The following SUGCT variants were observed in gnomAD, a reference collection of about 807,000 sequenced individuals.
The protein encoded by SUGCT is succinyl-CoA:glutarate CoA-transferase.
In SUGCT, 41 loss-of-function variants were observed where a neutral mutation model predicts 55.0. The observed-to-expected ratio is 0.74, with a 90% CI of 0.58 to 0.97. SUGCT has a LOEUF of 0.97. SUGCT is among the 50% of genes least tolerant of loss of function. The probability of loss-of-function intolerance (pLI) is 0.00; values close to 1 mark genes in which losing one functional copy is unlikely to be tolerated. For synonymous variants in SUGCT, 187 were observed against 200.4 expected, an observed-to-expected ratio of 0.93 and a Z score of 0.56; for missense variants, 568 against 547.8, an observed-to-expected ratio of 1.04 and a Z score of -0.37.
At chr7:40,920,395 A>C in the SUGCT span, among the ~76,000 whole-genome samples, 2 of 152,182 alleles carry the variant, frequency 1.3e-5, no homozygotes, top group Non-Finnish European at 2.9e-5. Context: ...AAGCCCTGGA[A>C]AGTTCAATAT....
intron 13 of SUGCT, among the ~76,000 whole-genome samples, chr7:40,852,209 T>G (rs1793886785): frequency 6.6e-6 from 1 of 152,216 alleles, no homozygotes; most frequent in African/African-American, 2.4e-5. Flanking sequence ...ACCCAGAAAC[T>G]CAGTATTCTT....
the SUGCT span, among the ~76,000 whole-genome samples, chr7:40,993,994 T>C: frequency 6.6e-6 from 1 of 152,194 alleles, no homozygotes; most frequent in East Asian, 1.9e-4. Flanking sequence ...CCCAATTGCC[T>C]GACTGTGAAA....
intron 9 of SUGCT, among the ~76,000 whole-genome samples, chr7:40,402,896 G>T (rs1323296943): frequency 6.6e-6 from 1 of 152,158 alleles, no homozygotes; most frequent in Non-Finnish European, 1.5e-5. Flanking sequence ...TAGTGATGAG[G>T]ACTACTGTCT....
At position 40,784,423 on chromosome 7, in the gene SUGCT, T is replaced by C. The variant is rs374910772; in HGVS notation, c.1153+34926T>C. ...TAGGTCATCCTCTTCTCATAGCGAC[T>C]TATAACACTTTTATGTCATTAAAAT... On this transcript the variant is annotated intron_variant, in intron 13 of 13. Transcript: ENST00000335693. Among the ~76,000 whole-genome samples, 52 of 152,326 alleles carry C rather than the reference T, an allele frequency of 3.4e-4. No homozygotes were observed. In the South Asian group the frequency reaches 0.01, roughly 30 times the overall value.
At chr7:40,578,442 T>A (rs139762636) in intron 12 of SUGCT, among the ~76,000 whole-genome samples, 48 of 152,186 alleles carry the variant, frequency 3.2e-4, no homozygotes, top group African/African-American at 1.1e-3. Context: ...TATCTGGATG[T>A]TTAAAAGCTG....
At chr7:40,762,524 T>C (rs1788582234) in intron 13 of SUGCT, among the ~76,000 whole-genome samples, 1 of 152,260 alleles carries the variant, frequency 6.6e-6, no homozygotes. Flanking sequence ...AGGGAAACAG[T>C]ATTTAACAGT....
At chr7:40,315,105 G>C (rs1795357115) in intron 8 of SUGCT, among the ~76,000 whole-genome samples, 1 of 101,410 alleles carries the variant, frequency 9.9e-6, no homozygotes, top group Admixed American at 9.8e-5. Context: ...CGAGGGTTCT[G>C]CTTTTTTAAA....
the SUGCT span, among the ~76,000 whole-genome samples, chr7:40,983,482 C>G: frequency 6.6e-6 from 1 of 152,180 alleles, no homozygotes; most frequent in East Asian, 1.9e-4. Flanking sequence ...CTGCTTAGCA[C>G]AAAGTCCTGC....
intron 12 of SUGCT, among the ~76,000 whole-genome samples, chr7:40,515,682 G>A (rs1004924481): frequency 1.3e-5 from 2 of 152,138 alleles, no homozygotes; most frequent in East Asian, 3.8e-4. Flanking sequence ...ATATTCTGTT[G>A]TGTGGGTATA....
intron 13 of SUGCT, among the ~76,000 whole-genome samples, chr7:40,800,801 G>A (rs1212914082): frequency 6.6e-6 from 1 of 152,100 alleles, no homozygotes; most frequent in African/African-American, 2.4e-5. Flanking sequence ...ATCATAAAGT[G>A]TCTACTATAC....
chr7:40,349,973 C>A (rs1797528857), intron 9 of SUGCT, among the ~76,000 whole-genome samples: 1 of 152,182 alleles, frequency 6.6e-6, no homozygotes, highest in Non-Finnish European at 1.5e-5. Flanking sequence ...CAGGTGTGAG[C>A]CACTGCACCC....
intron 9 of SUGCT, among the ~76,000 whole-genome samples, chr7:40,361,514 C>T (rs1051913581): frequency 2.0e-5 from 3 of 151,434 alleles, no homozygotes; most frequent in African/African-American, 7.3e-5. Context: ...GCGGAGCTTG[C>T]AGTGAACTGA....
At chr7:40,160,169 G>C (rs1784078090) in intron 1 of SUGCT, among the ~76,000 whole-genome samples, 1 of 152,164 alleles carries the variant, frequency 6.6e-6, no homozygotes, top group Admixed American at 6.6e-5. Context: ...GCAAATCACT[G>C]AAAATATGGG....
intron 12 of SUGCT, among the ~76,000 whole-genome samples, chr7:40,637,187 A>G (rs921151205): frequency 6.6e-6 from 1 of 152,238 alleles, no homozygotes. Flanking sequence ...AAGGGAAATC[A>G]TAATGGAGAT....
At chr7:41,006,988 TGTTA>T in the SUGCT span, among the ~76,000 whole-genome samples, 2 of 152,202 alleles carry the variant, frequency 1.3e-5, no homozygotes, top group African/African-American at 2.4e-5. Context: ...CATATATCTT[TGTTA>T]GTTGGTTATG....
intron 9 of SUGCT, among the ~76,000 whole-genome samples, chr7:40,401,963 T>C (rs1021931591): frequency 6.6e-6 from 1 of 152,204 alleles, no homozygotes; most frequent in Non-Finnish European, 1.5e-5. Flanking sequence ...ATATTTTGGG[T>C]TTCAACAACT....
chr7:40,757,511 T>A (rs534367161), intron 13 of SUGCT, among the ~76,000 whole-genome samples: 3 of 152,316 alleles, frequency 2.0e-5, no homozygotes, highest in African/African-American at 7.2e-5. Flanking sequence ...CAAGAAACTC[T>A]TATTGCAAAT....
intron 13 of SUGCT, among the ~76,000 whole-genome samples, chr7:40,817,178 GTAGT>G (rs1791713635): frequency 6.6e-6 from 1 of 152,142 alleles, no homozygotes; most frequent in South Asian, 2.1e-4. Context: ...TCAAAAAATA[GTAGT>G]AAGTACCTAT....
intron 12 of SUGCT, among the ~76,000 whole-genome samples, chr7:40,695,351 C>T (rs1488375454): frequency 1.1e-4 from 17 of 152,004 alleles, no homozygotes; most frequent in Admixed American, 3.3e-4. Context: ...GCACGTGCCA[C>T]CATGCCTGGC....
Sources: gnomAD v4.1 joint callset for allele counts (sites outside exome capture counted in the v4.1 genomes callset) on GRCh38, gnomAD v4.1.1 for gene constraint, MANE v1.5 for transcripts, NCBI Gene and HGNC (gene_info 2026-07-23, HGNC 2026-07-21) for gene names.